Variants in CAMTA1 observed in about 807,000 individuals in gnomAD.
CAMTA1 encodes the protein calmodulin-binding transcription activator 1.
CAMTA1 carries 27 observed loss-of-function variants against 170.9 expected under a neutral mutation model. The observed-to-expected ratio is 0.16, with a 90% CI of 0.12 to 0.22. The LOEUF (loss-of-function observed/expected upper bound fraction) is 0.22, where lower values mean the gene tolerates loss of function less well. CAMTA1 is among the 10% of genes least tolerant of loss of function. The pLI is 1.00. For missense variants in CAMTA1, 1,619 were observed against 2,217.2 expected, an observed-to-expected ratio of 0.73 and a Z score of 5.42; for synonymous variants, 833 against 891.5, an observed-to-expected ratio of 0.93 and a Z score of 1.17.
At chr1:7,353,340 G>A (rs1240300713) in intron 5 of CAMTA1, among the ~76,000 whole-genome samples, 1 of 151,234 alleles carries the variant, frequency 6.6e-6, no homozygotes, top group Admixed American at 6.6e-5. Context: ...CCTGCATCTA[G>A]CCACCTATGC....
At chr1:7,706,056 C>T (rs1229734373) in intron 11 of CAMTA1, among the ~76,000 whole-genome samples, 1 of 152,220 alleles carries the variant, frequency 6.6e-6, no homozygotes, top group African/African-American at 2.4e-5. Flanking sequence ...AAAAGCATTT[C>T]TCTACAAATC....
intron 4 of CAMTA1, among the ~76,000 whole-genome samples, chr1:7,202,781 T>A (rs1288826597): frequency 6.6e-6 from 1 of 152,190 alleles, no homozygotes; most frequent in Non-Finnish European, 1.5e-5. Context: ...TGTTTTTTAG[T>A]GGATTCCTCA....
At chr1:7,154,507 A>C (rs1646754440) in intron 4 of CAMTA1, among the ~76,000 whole-genome samples, 1 of 152,124 alleles carries the variant, frequency 6.6e-6, no homozygotes, top group South Asian at 2.1e-4. Flanking sequence ...TGCTGTCCAC[A>C]TCCCTTTCTG....
intron 3 of CAMTA1, among the ~76,000 whole-genome samples, chr1:7,038,905 T>A (rs1704026339): frequency 6.6e-6 from 1 of 152,108 alleles, no homozygotes; most frequent in African/African-American, 2.4e-5. Flanking sequence ...CCGGTCATAG[T>A]GGCAGGCGCC....
rs535400870 is a variant in CAMTA1, at chr1:7,741,915, G to A, written c.4183-2920G>A. Among the ~76,000 whole-genome samples the A allele has an allele frequency of 3.1e-4, 46 of 150,464 alleles. No individual in the cohort carries two copies. In the Middle Eastern group the frequency reaches 0.01, roughly 34 times the overall value. On this transcript the variant is annotated intron_variant, in intron 16 of 22. Transcript: ENST00000303635. ...ACCTCCCAAAGTGCTGGGATTACAG[G>A]TGTGAGCCACCATGCCCGGCCTCGG...
At chr1:7,102,083 G>A (rs572883897) in intron 4 of CAMTA1, among the ~76,000 whole-genome samples, 3 of 149,794 alleles carry the variant, frequency 2.0e-5, no homozygotes, top group Admixed American at 1.3e-4. Context: ...TTCCTGTATT[G>A]GTCACTGTTC....
intron 6 of CAMTA1, among the ~76,000 whole-genome samples, chr1:7,525,688 A>G (rs929902843): frequency 2.6e-5 from 4 of 152,018 alleles, no homozygotes; most frequent in African/African-American, 7.3e-5. Flanking sequence ...GGGTGATTTC[A>G]TCCTCATCTG....
intron 6 of CAMTA1, among the ~76,000 whole-genome samples, chr1:7,579,561 T>C (rs933598870): frequency 5.2e-5 from 7 of 134,940 alleles, no homozygotes; most frequent in African/African-American, 1.2e-4. Context: ...TCTTTTTTTT[T>C]TTTTTTTTTT....
chr1:7,267,454 A>G (rs1669101430), intron 5 of CAMTA1, among the ~76,000 whole-genome samples: 1 of 152,176 alleles, frequency 6.6e-6, no homozygotes, highest in Non-Finnish European at 1.5e-5. Flanking sequence ...TCTGCACATC[A>G]GCAGGATTGA....
chr1:7,690,913 C>T (rs1003169762), intron 11 of CAMTA1, among the ~76,000 whole-genome samples: 1 of 152,086 alleles, frequency 6.6e-6, no homozygotes, highest in Admixed American at 6.5e-5. Flanking sequence ...AGGGCTAGAG[C>T]CTGTCCTTGC....
At chr1:7,507,358 C>T (rs1308677349) in intron 6 of CAMTA1, among the ~76,000 whole-genome samples, 1 of 152,104 alleles carries the variant, frequency 6.6e-6, no homozygotes, top group Non-Finnish European at 1.5e-5. Context: ...TGTGAGGAGC[C>T]GTCTCTGCAC....
rs1158249892 is a variant in CAMTA1 at position 7,396,092 on chromosome 1, T to G, written c.439-71738T>G. Reference sequence around the variant, plus strand: ...ATCCACTGTTGGAGATGGGACCTAATGGGAGGTGTTTGGGTCATGCAGGCA... The same window carrying G: ...ATCCACTGTTGGAGATGGGACCTAAGGGGAGGTGTTTGGGTCATGCAGGCA... On this transcript the variant is annotated intron_variant, in intron 5 of 22. Coordinates refer to ENST00000303635, the MANE Select transcript of CAMTA1 (RefSeq NM_015215.4). 2.0e-5 allele frequency among the ~76,000 whole-genome samples: 3 copies of G among 152,210 alleles called. No homozygotes were observed. In the East Asian group the frequency reaches 5.8e-4, roughly 29 times the overall value.
In CAMTA1 at chr1:7,149,699, G is replaced by A. The variant is rs189830556; in HGVS notation, c.302+58328G>A. On this transcript the variant is annotated intron_variant, in intron 4 of 22. Coordinates refer to ENST00000303635, the MANE Select transcript of CAMTA1 (RefSeq NM_015215.4). Reference sequence around the variant, plus strand: ...GGTGCTCAGCTCTCCAAGCACGGCCGTCCCTGAGTGCTGGGGGATGGGCAG... The same window carrying A: ...GGTGCTCAGCTCTCCAAGCACGGCCATCCCTGAGTGCTGGGGGATGGGCAG... Among the ~76,000 whole-genome samples, 284 of 152,308 alleles carry A rather than the reference G, an allele frequency of 1.9e-3. 3 individuals carry two copies. Among genetic ancestry groups the A allele is most frequent in the Middle Eastern group, 3.4e-3 (1 of 294 alleles).
At chr1:7,038,620 T>A (rs1214929529) in intron 3 of CAMTA1, among the ~76,000 whole-genome samples, 1 of 152,234 alleles carries the variant, frequency 6.6e-6, no homozygotes, top group African/African-American at 2.4e-5. Context: ...GTTGTACACA[T>A]CAATACACTT....
intron 6 of CAMTA1, among the ~76,000 whole-genome samples, chr1:7,616,595 G>GTCCT (rs776287905): frequency 4.6e-5 from 7 of 152,216 alleles, no homozygotes; most frequent in Non-Finnish European, 8.8e-5. Context: ...TTGGAAGAGG[G>GTCCT]TCCTTCCCCA....
chr1:7,276,202 A>AT (rs1226998805), intron 5 of CAMTA1, among the ~76,000 whole-genome samples: 1 of 142,484 alleles, frequency 7.0e-6, no homozygotes, highest in East Asian at 2.1e-4. Context: ...AAAAAAAAAA[A>AT]CCTTTCAGCA....
At chr1:7,490,512 C>CTTTTGTATTT (rs1473643370) in intron 6 of CAMTA1, among the ~76,000 whole-genome samples, 2 of 152,170 alleles carry the variant, frequency 1.3e-5, no homozygotes, top group African/African-American at 4.8e-5. Context: ...ATTAGCCGGG[C>CTTTTGTATTT]GTAGTGGCAC....
chr1:7,750,640 G>T (rs2096890187), intron 19 of CAMTA1, among the ~76,000 whole-genome samples: 1 of 152,230 alleles, frequency 6.6e-6, no homozygotes, highest in African/African-American at 2.4e-5. Flanking sequence ...CACCGTGTTG[G>T]TCTTACGAGT....
chr1:7,220,215 G>T (rs868845201), intron 4 of CAMTA1, among the ~76,000 whole-genome samples: 5 of 152,324 alleles, frequency 3.3e-5, no homozygotes, highest in South Asian at 2.1e-4. Flanking sequence ...AGGGGGTCAA[G>T]AATGTTTGTG....
Sources: allele counts gnomAD v4.1 joint callset (sites outside exome capture counted in the v4.1 genomes callset), GRCh38; gene constraint gnomAD v4.1.1; transcripts MANE v1.5; gene names NCBI Gene and HGNC (gene_info 2026-07-23, HGNC 2026-07-21).